Variants in PHF20 observed in about 807,000 individuals in gnomAD.
The protein encoded by PHF20 is glioma-expressed antigen 2.
In PHF20, 23 loss-of-function variants were observed where a neutral mutation model predicts 113.5. The observed-to-expected ratio is 0.20, with a 90% confidence interval of 0.15 to 0.29. The LOEUF (loss-of-function observed/expected upper bound fraction) is 0.29, where lower values mean the gene tolerates loss of function less well. Ranked by LOEUF, PHF20 falls within the 10% of genes least tolerant of loss-of-function variation. The pLI, the probability that PHF20 is intolerant of heterozygous loss-of-function variation, is 1.00. For synonymous variants in PHF20, 434 were observed against 457.3 expected, an observed-to-expected ratio of 0.95 and a Z score of 0.65; for missense variants, 943 against 1,219.6, an observed-to-expected ratio of 0.77 and a Z score of 3.38.
At position 35,864,897 on chromosome 20, in the gene PHF20, C is replaced by T. The variant is rs558153353; in HGVS notation, c.808+1497C>T. Reference sequence around the variant, plus strand: ...TTCAAAAAAAGAATGTAACACACCTCGATTTTAAAATACTGATTACGGCTG... The same window carrying T: ...TTCAAAAAAAGAATGTAACACACCTTGATTTTAAAATACTGATTACGGCTG... On this transcript the variant is annotated intron_variant, in intron 6 of 17. Coordinates refer to ENST00000374012, the MANE Select transcript of PHF20 (RefSeq NM_016436.5). Among the ~76,000 whole-genome samples, 7 of 152,110 alleles carry T rather than the reference C, an allele frequency of 4.6e-5. No homozygotes were observed. In the South Asian group the frequency reaches 8.3e-4, roughly 18 times the overall value.
At chr20:35,910,218 G>A (rs1041906070) in intron 10 of PHF20, among the ~76,000 whole-genome samples, 1 of 152,164 alleles carries the variant, frequency 6.6e-6, no homozygotes, top group African/African-American at 2.4e-5. Flanking sequence ...GAGTAGATAA[G>A]CCCATGGAGT....
At chr20:35,855,531 G>C (rs1173918255) in intron 4 of PHF20, 1 of 153,956 alleles carries the variant, frequency 6.5e-6, no homozygotes, top group Admixed American at 6.6e-5. Flanking sequence ...GTACATAAGT[G>C]GGTGTATGTA....
intron 4 of PHF20, among the ~76,000 whole-genome samples, chr20:35,847,786 G>A (rs2042649261): frequency 6.6e-6 from 1 of 152,140 alleles, no homozygotes; most frequent in Non-Finnish European, 1.5e-5. Flanking sequence ...GAAATTAAAT[G>A]AACACTAACA....
chr20:35,809,216 C>T (rs1021304618), intron 2 of PHF20, among the ~76,000 whole-genome samples: 2 of 151,220 alleles, frequency 1.3e-5, no homozygotes, highest in Non-Finnish European at 2.9e-5. Context: ...CCATTGTACT[C>T]CAGCCTGGGC....
chr20:35,922,394 T>G (rs932914425), intron 13 of PHF20, among the ~76,000 whole-genome samples: 2 of 152,228 alleles, frequency 1.3e-5, no homozygotes, highest in African/African-American at 4.8e-5. Context: ...AAGACAGGAA[T>G]AAATTTTTCT....
chr20:35,879,535 C>T (rs575383093), intron 9 of PHF20, among the ~76,000 whole-genome samples: 1 of 152,104 alleles, frequency 6.6e-6, no homozygotes, highest in South Asian at 2.1e-4. Context: ...AACAAATTAC[C>T]TACAGTAGTT....
At chr20:35,878,726 A>C (rs2054574696) in intron 9 of PHF20, 4 of 760,206 alleles carry the variant, frequency 5.3e-6, no homozygotes, top group African/African-American at 1.7e-5. Context: ...GCAAAACCTA[A>C]GCCTTAGAAG....
chr20:35,858,320 T>A lies in PHF20; in HGVS notation c.359T>A (p.Phe120Tyr). ...ATTTTAGGTACTTACACTGTGAAAT[T>A]TTATGATGGAGTAGTTCAGACTGTC... ...VNKDGTYTVK[F>Y]YDGVVQTVKH... is the part of the protein sequence containing the mutation. The change falls in exon 5 of 18, where the codon TTT (phenylalanine) becomes TAT (tyrosine). Residue 120 changes from phenylalanine (F) to tyrosine (Y), a missense_variant. Physicochemically the swap from Phe to Tyr is conservative, Grantham distance 22. Transcript: ENST00000374012. 1 of 1,577,494 alleles carries A rather than the reference T, an allele frequency of 6.3e-7. No homozygotes were observed. The highest frequency in any genetic ancestry group is 8.7e-7 in the Non-Finnish European group (1 of 1,149,264).
chr20:35,876,369 G>A lies in PHF20; in HGVS notation c.1282+4540G>A, dbSNP rs373565864. ...GCAGATCACTTGAGGTCAGGAGTTCGAGACCAGCCTGGCCAACATGGTGAA... is the reference window on the plus strand; with the variant it reads ...GCAGATCACTTGAGGTCAGGAGTTCAAGACCAGCCTGGCCAACATGGTGAA... On this transcript the variant is annotated intron_variant, in intron 9 of 17. Transcript: ENST00000374012. Among the ~76,000 whole-genome samples the A allele has an allele frequency of 2.0e-4, 30 of 152,012 alleles. No homozygotes were observed. The South Asian group carries it at 2.5e-3, about 13-fold the overall frequency.
intron 1 of PHF20, among the ~76,000 whole-genome samples, chr20:35,773,688 A>G (rs2041111630): frequency 6.6e-6 from 1 of 152,158 alleles, no homozygotes; most frequent in Non-Finnish European, 1.5e-5. Context: ...CCTAGTGGCT[A>G]TAAAGATTTT....
chr20:35,944,274 C>G (rs552645665), intron 17 of PHF20, among the ~76,000 whole-genome samples: 66 of 152,186 alleles, frequency 4.3e-4, no homozygotes, highest in Admixed American at 3.9e-4. Context: ...CCTAGACAGA[C>G]AGCTTCCATC....
At chr20:35,914,323 A>G in intron 12 of PHF20, 126 bp downstream of exon 12, 1 of 935,716 alleles carries the variant, frequency 1.1e-6, no homozygotes, top group Non-Finnish European at 1.6e-6. Context: ...GTCAGACATA[A>G]TTTTTATTTT....
At chr20:35,781,947 CAA>C (rs796259771) in intron 1 of PHF20, among the ~76,000 whole-genome samples, 3 of 136,816 alleles carry the variant, frequency 2.2e-5, no homozygotes, top group Admixed American at 7.3e-5. Flanking sequence ...GACTCCATCT[CAA>C]AAAAAAAAAA....
At position 35,939,102 on chromosome 20, in the gene PHF20, C is replaced by T; in HGVS notation, c.2706C>T (p.Ser902=). 1 of 1,601,526 alleles carries T rather than the reference C, an allele frequency of 6.2e-7. No individual in the cohort carries two copies. Among genetic ancestry groups the T allele is most frequent in the Non-Finnish European group, 8.5e-7 (1 of 1,172,874 alleles). The change falls in exon 16 of 18, where the codon TCC becomes TCT. Residue 902 remains serine, a synonymous_variant. Transcript: ENST00000374012. ...GGGACAGTGACCCCAAACCCGGCTC[C>T]CCAAAGGTATGTGGCTGCCTTGTAC... The part of the protein sequence containing the change: ...SKGDSDPKPG[S]PKVKEYVSKK...
intron 10 of PHF20, among the ~76,000 whole-genome samples, chr20:35,910,964 C>T (rs73618540): frequency 0.01 from 1,596 of 152,102 alleles, 17 homozygotes; most frequent in East Asian, 0.04. Context: ...TGGAATCCTG[C>T]AGTGCGCACT....
At chr20:35,801,283 GTCT>G (rs2041776100) in intron 1 of PHF20, among the ~76,000 whole-genome samples, 1 of 152,112 alleles carries the variant, frequency 6.6e-6, no homozygotes, top group Admixed American at 6.6e-5. Context: ...TTGAGGGAGG[GTCT>G]TCTTAGTTCC....
chr20:35,939,257 G>A (rs1047468809), intron 16 of PHF20, 149 bp downstream of exon 16: 13 of 948,310 alleles, frequency 1.4e-5, no homozygotes, highest in Non-Finnish European at 1.8e-5. Flanking sequence ...GCCAAAATGG[G>A]TGCAAAGTCA....
At chr20:35,808,206 C>T (rs2041917287) in intron 2 of PHF20, among the ~76,000 whole-genome samples, 1 of 152,112 alleles carries the variant, frequency 6.6e-6, no homozygotes, top group Non-Finnish European at 1.5e-5. Context: ...TCTTCCTTTC[C>T]AATCCTCTGC....
At chr20:35,920,828 C>T (rs940471412) in intron 13 of PHF20, among the ~76,000 whole-genome samples, 1 of 152,142 alleles carries the variant, frequency 6.6e-6, no homozygotes, top group African/African-American at 2.4e-5. Context: ...TTCAAGGGTA[C>T]CTGATATTTA....
Sources: gnomAD v4.1 joint callset for allele counts (sites outside exome capture counted in the v4.1 genomes callset) on GRCh38, gnomAD v4.1.1 for gene constraint, MANE v1.5 for transcripts, NCBI Gene and HGNC (gene_info 2026-07-23, HGNC 2026-07-21) for gene names.